The following IMPG2 variants were observed in gnomAD, a reference collection of about 807,000 sequenced individuals.
IMPG2 encodes the protein IPM 200.
IMPG2 carries 91 observed loss-of-function variants against 129.2 expected under a neutral mutation model. The observed-to-expected ratio is 0.70, with a 90% CI of 0.59 to 0.84. The LOEUF (loss-of-function observed/expected upper bound fraction) is 0.84, where lower values mean the gene tolerates loss of function less well. IMPG2 is among the 40% of genes least tolerant of loss of function. The pLI is 0.00. For missense variants in IMPG2, 1,430 were observed against 1,461.7 expected (o/e 0.98, Z 0.35); for synonymous variants, 510 against 517.7 (o/e 0.99, Z 0.20).
chr3:101,300,843 C>T (rs1474481872), intron 3 of IMPG2, among the ~76,000 whole-genome samples: 3 of 152,238 alleles, frequency 2.0e-5, no homozygotes, highest in Non-Finnish European at 2.9e-5. Context: ...TTTTCCTTTG[C>T]GTTCACAACT....
intron 3 of IMPG2, among the ~76,000 whole-genome samples, chr3:101,293,208 C>T (rs1354465652): frequency 3.3e-5 from 5 of 152,142 alleles, no homozygotes; most frequent in South Asian, 2.1e-4. Flanking sequence ...TCACTATCTA[C>T]GGCAGCTGTA....
intron 7 of IMPG2, among the ~76,000 whole-genome samples, chr3:101,271,927 A>C (rs1375427672): frequency 1.3e-5 from 2 of 152,166 alleles, no homozygotes; most frequent in Non-Finnish European, 1.5e-5. Context: ...TGAGCAAACA[A>C]ATAGAAAGTC....
intron 2 of IMPG2, among the ~76,000 whole-genome samples, chr3:101,308,856 C>T (rs982262407): frequency 1.3e-5 from 2 of 152,326 alleles, no homozygotes; most frequent in Admixed American, 1.3e-4. Context: ...CAAACCATAT[C>T]CTTGTGAATA....
At chr3:101,306,791 A>C (rs536750598) in intron 2 of IMPG2, among the ~76,000 whole-genome samples, 1 of 152,340 alleles carries the variant, frequency 6.6e-6, no homozygotes, top group East Asian at 1.9e-4. Context: ...TTCTAAAATA[A>C]AACATAGAAG....
intron 11 of IMPG2, among the ~76,000 whole-genome samples, chr3:101,250,837 C>T (rs1706536258): frequency 6.6e-6 from 1 of 152,080 alleles, no homozygotes; most frequent in Admixed American, 6.6e-5. Context: ...GAATATGGAG[C>T]CTATTTACAT....
intron 3 of IMPG2, 136 bp downstream of exon 3, chr3:101,304,010 G>A: frequency 1.2e-6 from 1 of 838,322 alleles, no homozygotes; most frequent in Non-Finnish European, 2.0e-6. Context: ...ACACCCTAGG[G>A]CAGCTTACTC....
chr3:101,255,238 C>T (rs1355684176), intron 10 of IMPG2, among the ~76,000 whole-genome samples: 1 of 151,974 alleles, frequency 6.6e-6, no homozygotes, highest in Non-Finnish European at 1.5e-5. Flanking sequence ...CTGAAGTTGG[C>T]CTGACAATAG....
chr3:101,314,017 A>G (rs989928184), intron 2 of IMPG2, among the ~76,000 whole-genome samples: 8 of 152,222 alleles, frequency 5.3e-5, no homozygotes, highest in African/African-American at 1.9e-4. Flanking sequence ...CTTATAAATA[A>G]ATCTGATAAA....
rs1349152030 is a variant in IMPG2 at position 101,244,718 on chromosome 3, T to C, written c.1613A>G (p.Gln538Arg). The C allele has an allele frequency of 1.2e-6, 2 of 1,614,058 alleles. No individual in the cohort carries two copies. The highest frequency in any genetic ancestry group is 3.3e-5 in the Admixed American group (2 of 60,016). The stretch of plus-strand genomic sequence containing the variant: ...TGGTATTGTTTCTTTTGGCACAGGT[T>C]GAGTGAATGAACTTGAAGGCAATGA... ...IDSLPSSSFT[Q>R]PVPKETIPSM... is the part of the protein sequence containing the mutation. The change falls in exon 13 of 19, where the codon CAA becomes CGA. Residue 538 changes from glutamine to arginine, a missense_variant. Transcript: ENST00000193391.
At chr3:101,284,197 G>A (rs899241836) in intron 4 of IMPG2, among the ~76,000 whole-genome samples, 1 of 152,194 alleles carries the variant, frequency 6.6e-6, no homozygotes, top group Non-Finnish European at 1.5e-5. Flanking sequence ...ATTGGGTTGG[G>A]GGCATGGGAG....
At chr3:101,304,043 A>G in intron 3 of IMPG2, 103 bp downstream of exon 3, 2 of 1,212,072 alleles carry the variant, frequency 1.7e-6, no homozygotes, top group Non-Finnish European at 1.2e-6. Flanking sequence ...TCAACAAAAG[A>G]GTAATACAGG....
chr3:101,312,393 A>G (rs1025388090), intron 2 of IMPG2, among the ~76,000 whole-genome samples: 1 of 152,146 alleles, frequency 6.6e-6, no homozygotes, highest in Non-Finnish European at 1.5e-5. Context: ...AGGAAGATAT[A>G]CAAATGATAA....
At chr3:101,264,961 TA>T (rs1269848148) in intron 9 of IMPG2, among the ~76,000 whole-genome samples, 39 of 150,694 alleles carry the variant, frequency 2.6e-4, no homozygotes, top group African/African-American at 8.0e-4. Flanking sequence ...ACAAGAAAAA[TA>T]AAATACGTAA....
intron 9 of IMPG2, among the ~76,000 whole-genome samples, chr3:101,260,443 A>C (rs999895087): frequency 3.9e-5 from 6 of 152,156 alleles, no homozygotes; most frequent in African/African-American, 1.4e-4. Flanking sequence ...AATTCAGTAA[A>C]ATATGCTAAA....
chr3:101,255,449 G>A (rs1706588119), intron 10 of IMPG2, among the ~76,000 whole-genome samples: 1 of 152,084 alleles, frequency 6.6e-6, no homozygotes, highest in Non-Finnish European at 1.5e-5. Flanking sequence ...GGAAGATCTT[G>A]CAATACTGTT....
In IMPG2 at chr3:101,229,512, C is replaced by T. The variant is rs770727940; in HGVS notation, c.3501G>A (p.Arg1167=). The change falls in exon 17 of 19, where the codon AGG becomes AGA. Residue 1167 remains arginine, a synonymous_variant. Coordinates refer to ENST00000193391, the MANE Select transcript of IMPG2 (RefSeq NM_016247.4). ...VKYNPVYESH[R]AGCEKYEGPY... is the part of the protein sequence containing the mutation. ...GTCCCTCATACTTCTCACATCCAGC[C>T]CTGTGACTTTCATACACGGGGTTGT... The T allele has an allele frequency of 6.2e-7, 1 of 1,613,866 alleles. No individual in the cohort carries two copies. The highest frequency in any genetic ancestry group is 8.5e-7 in the Non-Finnish European group (1 of 1,180,012).
At chr3:101,273,458 C>T in intron 7 of IMPG2, 123 bp downstream of exon 7, 1 of 967,776 alleles carries the variant, frequency 1.0e-6, no homozygotes, top group Non-Finnish European at 1.5e-6. Flanking sequence ...GGCTAAGTAA[C>T]CACTCCAGGA....
At chr3:101,284,040 G>T (rs991622145) in intron 4 of IMPG2, among the ~76,000 whole-genome samples, 1 of 152,180 alleles carries the variant, frequency 6.6e-6, no homozygotes, top group Non-Finnish European at 1.5e-5. Context: ...GATCAGATTC[G>T]AGATATATTT....
chr3:101,256,217 G>GAAAGAAAGAAAA (rs1553682324), intron 10 of IMPG2, among the ~76,000 whole-genome samples: 9 of 138,270 alleles, frequency 6.5e-5, no homozygotes, highest in East Asian at 2.2e-4. Flanking sequence ...AAGAAAGAAA[G>GAAAGAAAGAAAA]AAAAAAATAT....
Sources: allele counts gnomAD v4.1 joint callset (sites outside exome capture counted in the v4.1 genomes callset), GRCh38; gene constraint gnomAD v4.1.1; transcripts MANE v1.5; gene names NCBI Gene and HGNC (gene_info 2026-07-23, HGNC 2026-07-21).